MSH3: variants seen among roughly 807,000 people sequenced by gnomAD.
MSH3 encodes the protein mutS homolog 3.
Under a neutral mutation model 123.3 loss-of-function variants are expected in MSH3, and 106 were observed. The observed-to-expected ratio is 0.86, with a 90% CI of 0.73 to 1.01. The LOEUF is 1.01. MSH3 is among the 50% of genes least tolerant of loss of function. The pLI is 0.00. For missense variants in MSH3, 1,459 were observed against 1,347.6 expected (o/e 1.08, Z -1.29); for synonymous variants, 515 against 481.4 (o/e 1.07, Z -0.91).
chr5:80,703,420 A>G (rs1355700773), intron 8 of MSH3, among the ~76,000 whole-genome samples: 1 of 152,202 alleles, frequency 6.6e-6, no homozygotes, highest in African/African-American at 2.4e-5. Flanking sequence ...CCACCCATAC[A>G]GAATTTCTAT....
chr5:80,859,122 T>TAC (rs752638492), intron 21 of MSH3, among the ~76,000 whole-genome samples: 1 of 150,468 alleles, frequency 6.6e-6, no homozygotes, highest in Non-Finnish European at 1.5e-5. Flanking sequence ...TCTTCCTCCA[T>TAC]ATATATATAT....
intron 18 of MSH3, among the ~76,000 whole-genome samples, chr5:80,790,952 A>G (rs560560683): frequency 6.6e-6 from 1 of 152,306 alleles, no homozygotes; most frequent in East Asian, 1.9e-4. Flanking sequence ...AATTTTCTCA[A>G]ACTCAAAAGT....
chr5:80,754,984 C>A (rs1743900454), intron 12 of MSH3, among the ~76,000 whole-genome samples: 1 of 152,142 alleles, frequency 6.6e-6, no homozygotes, highest in African/African-American at 2.4e-5. Context: ...CCTCTGTATT[C>A]TTTGTGGTTT....
At chr5:80,820,931 C>G (rs900084374) in intron 20 of MSH3, among the ~76,000 whole-genome samples, 1 of 152,166 alleles carries the variant, frequency 6.6e-6, no homozygotes, top group African/African-American at 2.4e-5. Flanking sequence ...GTTGCTCAGT[C>G]TGGACTCTGG....
At chr5:80,830,725 A>G (rs537630914) in intron 20 of MSH3, among the ~76,000 whole-genome samples, 2 of 152,316 alleles carry the variant, frequency 1.3e-5, no homozygotes, top group Admixed American at 6.5e-5. Context: ...TTTGAAGGAA[A>G]ATACCTGTGT....
At chr5:80,847,094 C>G (rs941262631) in intron 20 of MSH3, among the ~76,000 whole-genome samples, 2 of 152,098 alleles carry the variant, frequency 1.3e-5, no homozygotes, top group Non-Finnish European at 2.9e-5. Flanking sequence ...GATTCTCGCT[C>G]TCTTGCCCAG....
intron 2 of MSH3, among the ~76,000 whole-genome samples, chr5:80,657,957 A>G (rs1643655): frequency 0.26 from 38,759 of 151,400 alleles, 5,134 homozygotes; most frequent in Middle Eastern, 0.34. Context: ...AGGTCTACAA[A>G]CACTGAATGA....
intron 8 of MSH3, among the ~76,000 whole-genome samples, chr5:80,679,312 G>T (rs1034318068): frequency 6.6e-6 from 1 of 152,076 alleles, no homozygotes; most frequent in African/African-American, 2.4e-5. Flanking sequence ...AGGAAGGATT[G>T]CTTGAGCCCC....
At chr5:80,688,128 T>A (rs1459035308) in intron 8 of MSH3, among the ~76,000 whole-genome samples, 1 of 152,216 alleles carries the variant, frequency 6.6e-6, no homozygotes. Context: ...AAACTAGCCT[T>A]AGCTCATTGA....
chr5:80,776,782 C>T lies in MSH3; in HGVS notation c.2318+1024C>T, dbSNP rs561850892. The stretch of plus-strand genomic sequence containing the variant: ...TTGCCTCAGATGGTAGAAGAGGGAC[C>T]GTAGCTGGTAATAGTGTACAGACAT... On this transcript the variant is annotated intron_variant, in intron 16 of 23. Transcript: ENST00000265081. 1.1e-4 allele frequency among the ~76,000 whole-genome samples: 17 copies of T among 150,684 alleles called. No individual in the cohort carries two copies. The South Asian group carries it at 2.3e-3, about 20-fold the overall frequency.
At chr5:80,815,980 C>T (rs1745096753) in intron 20 of MSH3, among the ~76,000 whole-genome samples, 1 of 152,144 alleles carries the variant, frequency 6.6e-6, no homozygotes, top group African/African-American at 2.4e-5. Context: ...CTGTTATGTG[C>T]ACCTTATATA....
chr5:80,667,778 C>T (rs568539201), intron 3 of MSH3, among the ~76,000 whole-genome samples: 1 of 152,202 alleles, frequency 6.6e-6, no homozygotes, highest in African/African-American at 2.4e-5. Context: ...ACTGCAGAGC[C>T]CCAGAGAGGG....
chr5:80,681,303 T>A (rs1318006963), intron 8 of MSH3, among the ~76,000 whole-genome samples: 2 of 152,022 alleles, frequency 1.3e-5, no homozygotes, highest in East Asian at 1.9e-4. Context: ...TGGAAAAAAA[T>A]TTTTAAAGGT....
intron 15 of MSH3, among the ~76,000 whole-genome samples, chr5:80,775,380 A>G (rs954663038): frequency 1.3e-5 from 2 of 152,178 alleles, no homozygotes; most frequent in Non-Finnish European, 2.9e-5. Flanking sequence ...AATTCTTAAG[A>G]TAAGTGAGTA....
chr5:80,859,643 A>G (rs1417853136), intron 21 of MSH3, among the ~76,000 whole-genome samples: 2 of 149,444 alleles, frequency 1.3e-5, no homozygotes, highest in Non-Finnish European at 3.0e-5. Context: ...TTGTTCCTAC[A>G]TGTGTCTTCC....
chr5:80,724,336 C>T (rs1421737802), intron 8 of MSH3, among the ~76,000 whole-genome samples: 2 of 151,246 alleles, frequency 1.3e-5, no homozygotes, highest in Non-Finnish European at 2.9e-5. Flanking sequence ...GAACAAGACA[C>T]AGAAATATGT....
At chr5:80,817,379 A>C (rs1317734663) in intron 20 of MSH3, among the ~76,000 whole-genome samples, 1 of 152,090 alleles carries the variant, frequency 6.6e-6, no homozygotes, top group Non-Finnish European at 1.5e-5. Context: ...AAAGAGGGCT[A>C]AAGAGTGAGT....
intron 5 of MSH3, 33 bp from the exon 6 acceptor site, chr5:80,672,708 C>G (rs1749750948): frequency 3.9e-6 from 6 of 1,519,460 alleles, no homozygotes; most frequent in Non-Finnish European, 4.6e-6. Flanking sequence ...ATTTTTTATC[C>G]TTTGATAGCA....
At chr5:80,736,184 C>T (rs992828166) in intron 10 of MSH3, among the ~76,000 whole-genome samples, 3 of 152,080 alleles carry the variant, frequency 2.0e-5, no homozygotes, top group Admixed American at 6.6e-5. Context: ...CGAGATCGCG[C>T]CATTGCACTC....
Sources: allele counts gnomAD v4.1 joint callset (sites outside exome capture counted in the v4.1 genomes callset), GRCh38; gene constraint gnomAD v4.1.1; transcripts MANE v1.5; gene names NCBI Gene and HGNC (gene_info 2026-07-23, HGNC 2026-07-21).